The following VPS13B variants were observed in gnomAD, a reference collection of about 807,000 sequenced individuals.
The protein encoded by VPS13B is vacuolar protein sorting 13 homolog B, also known as intermembrane lipid transfer protein VPS13B.
In VPS13B, 285 loss-of-function variants were observed where a neutral mutation model predicts 426.4. The ratio of observed to expected loss-of-function variants is 0.67; its 90% CI spans 0.61 to 0.74. The LOEUF (loss-of-function observed/expected upper bound fraction) is 0.74. Among genes scored for constraint, VPS13B ranks in the 30% least tolerant of loss-of-function variants. VPS13B has a pLI of 0.00. For synonymous variants in VPS13B, 1,676 were observed against 1,676.4 expected (o/e 1.00, Z 0.01); for missense variants, 4,537 against 4,782.6 (o/e 0.95, Z 1.51).
chr8:99,052,916 C>T (rs1215292688), intron 3 of VPS13B, among the ~76,000 whole-genome samples: 1 of 151,918 alleles, frequency 6.6e-6, no homozygotes, highest in East Asian at 1.9e-4. Context: ...TTTGATTCTT[C>T]TCTCTTTTCT....
At position 99,711,736 on chromosome 8, in the gene VPS13B, T is replaced by TA. The variant is rs1230527887; in HGVS notation, c.6455-5434dup. 1.2e-4 allele frequency among the ~76,000 whole-genome samples: 19 copies of TA among 152,232 alleles called. 1 individual carries two copies. The highest frequency in any genetic ancestry group is 4.3e-4 in the African/African-American group (18 of 41,454). ...GGATGTCTCTTCCCCACTCAGTACT[T>TA]ACTGAGATTGCAGACCTTGAAGCTA... is the stretch of plus-strand genomic sequence containing the variant. On this transcript the variant is annotated intron_variant, in intron 36 of 61. Coordinates refer to ENST00000357162, the MANE Select transcript of VPS13B (RefSeq NM_152564.5).
At chr8:99,489,315 C>T (rs182550064) in intron 25 of VPS13B, among the ~76,000 whole-genome samples, 48 of 151,180 alleles carry the variant, frequency 3.2e-4, no homozygotes, top group Middle Eastern at 3.4e-3. Context: ...AGTCAGGTAG[C>T]GTGATGCCAT....
At chr8:99,503,031 T>G in intron 27 of VPS13B, 81 bp downstream of exon 27, 3 of 1,089,392 alleles carry the variant, frequency 2.8e-6, no homozygotes, top group Non-Finnish European at 4.2e-6. Context: ...TATTTTAATT[T>G]GGCTGGTTAT....
intron 39 of VPS13B, among the ~76,000 whole-genome samples, chr8:99,732,206 C>T (rs1267960032): frequency 6.6e-6 from 1 of 152,114 alleles, no homozygotes. Flanking sequence ...AGTTTATTTC[C>T]TTTCACACAT....
chr8:99,123,292 A>G (rs995718217), intron 8 of VPS13B, among the ~76,000 whole-genome samples: 1 of 152,144 alleles, frequency 6.6e-6, no homozygotes, highest in Non-Finnish European at 1.5e-5. Flanking sequence ...AGCCTTATTG[A>G]TATTTGAGAA....
chr8:99,069,282 A>C (rs1844725241), intron 3 of VPS13B, among the ~76,000 whole-genome samples: 1 of 152,110 alleles, frequency 6.6e-6, no homozygotes, highest in Non-Finnish European at 1.5e-5. Flanking sequence ...AACAGTACAA[A>C]AATTAGCTGG....
chr8:99,082,809 C>A (rs1337864527), intron 3 of VPS13B, among the ~76,000 whole-genome samples: 2 of 152,082 alleles, frequency 1.3e-5, no homozygotes, highest in Non-Finnish European at 2.9e-5. Context: ...CTGTTCTGTT[C>A]CATTGATCTA....
rs768365480 is a variant in VPS13B at position 99,809,513 on chromosome 8, AAT to A, written c.8081_8082del (p.Asn2694ArgfsTer16). The A allele has an allele frequency of 6.2e-7, 1 of 1,613,762 alleles. No individual in the cohort carries two copies. Among genetic ancestry groups the A allele is most frequent in the Admixed American group, 1.7e-5 (1 of 60,022 alleles). On this transcript the variant is annotated frameshift_variant, in exon 44 of 62. Transcript: ENST00000357162. LOFTEE classifies it high-confidence loss of function. ...TCTCATCATCAAGGTTCAGCAACTCAATGGAGTACAAAAACAGGTAAGTTTCT... is the reference window on the plus strand; with the variant it reads ...TCTCATCATCAAGGTTCAGCAACTCAGGAGTACAAAAACAGGTAAGTTTCT... ...ASLIIKVQQL[N>X]GVQKQIIICG...
At chr8:99,642,579 CAG>C in intron 34 of VPS13B, 81 bp downstream of exon 34, 1 of 1,280,490 alleles carries the variant, frequency 7.8e-7, no homozygotes, top group South Asian at 1.3e-5. Context: ...ATTGATTAAA[CAG>C]AAACAGCTGG....
chr8:99,368,435 T>G (rs1296388275), intron 19 of VPS13B, among the ~76,000 whole-genome samples: 1 of 152,222 alleles, frequency 6.6e-6, no homozygotes, highest in Non-Finnish European at 1.5e-5. Flanking sequence ...ATTACCATCT[T>G]CATCTTTCTC....
intron 33 of VPS13B, among the ~76,000 whole-genome samples, chr8:99,577,983 T>C (rs1825855184): frequency 6.6e-6 from 1 of 152,132 alleles, no homozygotes; most frequent in East Asian, 1.9e-4. Flanking sequence ...AGGCCTCTTT[T>C]GGAAGTGAAC....
At chr8:99,262,946 A>AT (rs564533994) in intron 17 of VPS13B, among the ~76,000 whole-genome samples, 19 of 150,724 alleles carry the variant, frequency 1.3e-4, no homozygotes, top group Admixed American at 3.3e-4. Context: ...CTAATTTTTT[A>AT]TTTTTTTTTG....
chr8:99,371,555 T>C (rs1269312055), intron 19 of VPS13B, among the ~76,000 whole-genome samples: 1 of 152,206 alleles, frequency 6.6e-6, no homozygotes, highest in Non-Finnish European at 1.5e-5. Context: ...CTTAGGATTG[T>C]CTTGGCTATA....
chr8:99,306,757 CTG>C (rs1388401477), intron 19 of VPS13B, among the ~76,000 whole-genome samples: 2 of 152,132 alleles, frequency 1.3e-5, no homozygotes, highest in East Asian at 3.9e-4. Context: ...AACTCTTAAA[CTG>C]TGTTTTCCCA....
intron 31 of VPS13B, among the ~76,000 whole-genome samples, chr8:99,564,632 T>C (rs1011669172): frequency 2.6e-5 from 4 of 152,370 alleles, no homozygotes; most frequent in African/African-American, 9.6e-5. Context: ...ATTTAAAACA[T>C]GAAGACTTGC....
At chr8:99,717,068 T>C in intron 36 of VPS13B, 103 bp from the exon 37 acceptor site, 1 of 1,193,560 alleles carries the variant, frequency 8.4e-7, no homozygotes, top group Non-Finnish European at 1.2e-6. Context: ...AAGACGACTC[T>C]GACAAAGGAT....
At chr8:99,503,013 A>G (rs112946914) in intron 27 of VPS13B, 63 bp downstream of exon 27, 7 of 1,254,072 alleles carry the variant, frequency 5.6e-6, no homozygotes, top group African/African-American at 3.0e-5. Context: ...TTACCATAAG[A>G]CTTTTTCTAT....
intron 19 of VPS13B, among the ~76,000 whole-genome samples, chr8:99,284,019 C>G (rs1407035731): frequency 6.6e-6 from 1 of 151,958 alleles, no homozygotes; most frequent in African/African-American, 2.4e-5. Flanking sequence ...AACTATTTGC[C>G]ATATGCATTT....
chr8:99,792,047 A>C (rs1217269359), intron 43 of VPS13B, among the ~76,000 whole-genome samples: 3 of 152,184 alleles, frequency 2.0e-5, no homozygotes, highest in African/African-American at 7.2e-5. Flanking sequence ...ACACACATGC[A>C]TGGGGCAAAC....
Sources: allele counts gnomAD v4.1 joint callset (sites outside exome capture counted in the v4.1 genomes callset), GRCh38; gene constraint gnomAD v4.1.1; transcripts MANE v1.5; gene names NCBI Gene and HGNC (gene_info 2026-07-23, HGNC 2026-07-21).